The following SLC5A1 variants were observed in gnomAD, a reference collection of about 807,000 sequenced individuals.
The protein encoded by SLC5A1 is sodium/glucose cotransporter 1.
A neutral mutation model predicts 73.5 loss-of-function variants in SLC5A1; 42 were observed. That is an observed-to-expected ratio of 0.57 (90% CI 0.45 to 0.74). The LOEUF (loss-of-function observed/expected upper bound fraction) is 0.74, where lower values mean the gene tolerates loss of function less well. SLC5A1 is among the 30% of genes least tolerant of loss of function. SLC5A1 has a pLI of 0.00. For synonymous variants in SLC5A1, 300 were observed against 317.4 expected (o/e 0.95, Z 0.58); for missense variants, 634 against 855.4 (o/e 0.74, Z 3.23).
intron 14 of SLC5A1, among the ~76,000 whole-genome samples, chr22:32,106,279 T>C (rs2094045530): frequency 6.6e-6 from 1 of 152,264 alleles, no homozygotes; most frequent in South Asian, 2.1e-4. Context: ...TGAGATGATA[T>C]ATCATTGTAG....
chr22:32,052,019 A>G (rs779480790), intron 2 of SLC5A1, among the ~76,000 whole-genome samples: 1 of 152,224 alleles, frequency 6.6e-6, no homozygotes, highest in Non-Finnish European at 1.5e-5. Context: ...ACTGAAACCT[A>G]TTGAAGGACT....
chr22:32,109,980 C>T lies in SLC5A1; in HGVS notation c.1772-10C>T, dbSNP rs1392737938. On this transcript the variant is annotated splice_polypyrimidine_tract_variant and intron_variant, in intron 14 of 14. Coordinates refer to ENST00000266088, the MANE Select transcript of SLC5A1 (RefSeq NM_000343.4). ...TCTGTGTCCAATAATTCTTCTATGC[C>T]TTTGCCCAGAAACACAAGTTCCTGA... 1.9e-6 allele frequency: 3 copies of T among 1,612,032 alleles called. No individual in the cohort carries two copies. The highest frequency in any genetic ancestry group is 3.3e-5 in the Admixed American group (2 of 60,012).
At position 32,110,730 on chromosome 22, in the gene SLC5A1, T is replaced by C. The variant is rs1209640945; in HGVS notation, c.*517T>C. 3 of 203,054 alleles carry C rather than the reference T, an allele frequency of 1.5e-5. No individual in the cohort carries two copies. In the Admixed American group the frequency reaches 1.6e-4, roughly 11 times the overall value. The allele number at this position is 203,054 out of a possible 1,614,324, so 12.6% of individuals were successfully genotyped here. A position where few individuals can be genotyped will look rare whatever the true frequency, so the allele number is the denominator to read the frequency against. ...TCAATCAGGTAAACTGAGGAATGCA[T>C]GGAAGCTGAGGATGGAGCTTGATGG... On this transcript the variant is annotated 3_prime_UTR_variant, in exon 15 of 15. Transcript: ENST00000266088.
At chr22:32,045,422 C>T (rs2093935920) in intron 1 of SLC5A1, among the ~76,000 whole-genome samples, 1 of 152,178 alleles carries the variant, frequency 6.6e-6, no homozygotes, top group African/African-American at 2.4e-5. Flanking sequence ...CCTCTGGACC[C>T]TGGTCATTTA....
At chr22:32,049,905 C>A (rs1446476831) in intron 1 of SLC5A1, 38 bp from the exon 2 acceptor site, 1 of 1,569,194 alleles carries the variant, frequency 6.4e-7, no homozygotes, top group Non-Finnish European at 8.8e-7. Flanking sequence ...GGCCACTCTT[C>A]TAGTTTTCGA....
intron 1 of SLC5A1, 66 bp from the exon 2 acceptor site, chr22:32,049,877 T>A: frequency 7.9e-7 from 1 of 1,262,810 alleles, no homozygotes. Context: ...TGGGGAGGTA[T>A]GTCCTTTTGG....
At chr22:32,074,145 A>G (rs2093987113) in intron 5 of SLC5A1, among the ~76,000 whole-genome samples, 1 of 152,174 alleles carries the variant, frequency 6.6e-6, no homozygotes, top group Non-Finnish European at 1.5e-5. Flanking sequence ...CTCCAAGTCC[A>G]CAGTTCAAGC....
chr22:32,048,144 T>C (rs1372950770), intron 1 of SLC5A1, among the ~76,000 whole-genome samples: 1 of 127,696 alleles, frequency 7.8e-6, no homozygotes, highest in African/African-American at 3.1e-5. Context: ...AGAATGAGAC[T>C]CCATGTAAAA....
In SLC5A1 at chr22:32,081,862, C is replaced by T; in HGVS notation, c.478-4C>T. The T allele has an allele frequency of 6.2e-7, 1 of 1,605,622 alleles. No individual in the cohort carries two copies. The highest frequency in any genetic ancestry group is 1.1e-5 in the South Asian group (1 of 90,858). On this transcript the variant is annotated splice_region_variant and splice_polypyrimidine_tract_variant and intron_variant, in intron 5 of 14. Transcript: ENST00000266088. ...TCCTAACTCCGCCTCTCCTCTCCTT[C>T]CAGGCAGACATCTTCTCGGGGGCCA...
At chr22:32,099,105 A>AAT (rs765568860) in intron 11 of SLC5A1, 78 bp from the exon 12 acceptor site, 1,874 of 57,474 alleles carry the variant, frequency 0.033, 55 homozygotes, top group South Asian at 0.084. Context: ...AAAAAAAAAA[A>AAT]ATATATATAT....
intron 5 of SLC5A1, among the ~76,000 whole-genome samples, chr22:32,081,450 C>T (rs1428794944): frequency 1.3e-5 from 2 of 152,116 alleles, no homozygotes; most frequent in Non-Finnish European, 2.9e-5. Flanking sequence ...CTCAGACTTG[C>T]TTTTGGGGAC....
chr22:32,053,554 A>G lies in SLC5A1; in HGVS notation c.207+3540A>G, dbSNP rs776752640. 3.9e-5 allele frequency among the ~76,000 whole-genome samples: 6 copies of G among 152,210 alleles called. No individual in the cohort carries two copies. The East Asian group carries it at 5.8e-4, about 15-fold the overall frequency. On this transcript the variant is annotated intron_variant, in intron 2 of 14. Coordinates refer to ENST00000266088, the MANE Select transcript of SLC5A1 (RefSeq NM_000343.4). ...GTATTCTTGGTGTTTCTAGGCATCA[A>G]TTGATTGATGTGTAACCAAGTCCCT...
At chr22:32,055,429 G>A (rs1222720783) in intron 2 of SLC5A1, among the ~76,000 whole-genome samples, 3 of 152,250 alleles carry the variant, frequency 2.0e-5, no homozygotes, top group African/African-American at 7.2e-5. Flanking sequence ...CTTCCTCTGT[G>A]GAAAGAGAGA....
chr22:32,082,971 C>A, intron 6 of SLC5A1, 103 bp from the exon 7 acceptor site: 3 of 925,122 alleles, frequency 3.2e-6, no homozygotes, highest in Admixed American at 2.4e-5. Context: ...TGGGGATGTT[C>A]TCAGAAGGCC....
At chr22:32,071,261 GGACAACATGGCAA>G (rs2093982433) in intron 5 of SLC5A1, among the ~76,000 whole-genome samples, 1 of 152,106 alleles carries the variant, frequency 6.6e-6, no homozygotes, top group South Asian at 2.1e-4. Flanking sequence ...AGATCAGCCT[GGACAACATGGCAA>G]GACCCTATAT....
rs1884561379 is a variant in SLC5A1 at position 32,112,188 on chromosome 22, G to A, written c.*1975G>A. 6.6e-6 allele frequency: 1 copy of A among 152,162 alleles called. No individual in the cohort carries two copies. The highest frequency in any genetic ancestry group is 2.4e-5 in the African/African-American group (1 of 41,416). 9.4% of individuals were successfully genotyped at this position (152,162 alleles called of 1,614,324 possible). ...TATTTAAATAAGTAGGTGCTCAATAGGTGTTGGTCTTCTAACTTGTCTACA... is the reference window on the plus strand; with the variant it reads ...TATTTAAATAAGTAGGTGCTCAATAAGTGTTGGTCTTCTAACTTGTCTACA... On this transcript the variant is annotated 3_prime_UTR_variant, in exon 15 of 15. Transcript: ENST00000266088.
chr22:32,084,053 G>C (rs998561024), intron 7 of SLC5A1, among the ~76,000 whole-genome samples: 4 of 152,194 alleles, frequency 2.6e-5, no homozygotes, highest in African/African-American at 7.2e-5. Flanking sequence ...GTGTCTCTAG[G>C]CCTGAGTCCA....
chr22:32,075,338 C>T (rs957319654), intron 5 of SLC5A1, among the ~76,000 whole-genome samples: 1 of 152,068 alleles, frequency 6.6e-6, no homozygotes, highest in African/African-American at 2.4e-5. Flanking sequence ...CTCTCCAGTG[C>T]CAAAGTCTGT....
intron 3 of SLC5A1, among the ~76,000 whole-genome samples, chr22:32,067,683 A>G (rs2093976066): frequency 6.6e-6 from 1 of 152,106 alleles, no homozygotes; most frequent in South Asian, 2.1e-4. Flanking sequence ...TCTAAATGGC[A>G]TTTTACTCTG....
Sources: gnomAD v4.1 joint callset for allele counts (sites outside exome capture counted in the v4.1 genomes callset) on GRCh38, gnomAD v4.1.1 for gene constraint, MANE v1.5 for transcripts, NCBI Gene and HGNC (gene_info 2026-07-23, HGNC 2026-07-21) for gene names.